The following CENPW variants were observed in gnomAD, a reference collection of about 807,000 sequenced individuals.
The protein encoded by CENPW is cancer-up-regulated gene 2 protein.
In CENPW, 3 loss-of-function variants were observed where a neutral mutation model predicts 11.1. The ratio of observed to expected loss-of-function variants is 0.27; its 90% CI spans 0.12 to 0.70. CENPW has a LOEUF of 0.70. CENPW is among the 30% of genes least tolerant of loss of function. CENPW has a pLI of 0.77. For missense variants in CENPW, 100 were observed against 105.6 expected, an observed-to-expected ratio of 0.95 and a Z score of 0.23; for synonymous variants, 38 against 42.0, an observed-to-expected ratio of 0.91 and a Z score of 0.37.
At chr6:126,378,797 C>T in the CENPW span, among the ~76,000 whole-genome samples, 2 of 151,996 alleles carry the variant, frequency 1.3e-5, no homozygotes, top group African/African-American at 4.8e-5. Context: ...CCAATAGCTG[C>T]ACTCTTTAGA....
the CENPW span, among the ~76,000 whole-genome samples, chr6:126,451,368 A>G: frequency 1.4e-3 from 209 of 151,008 alleles, 1 homozygote; most frequent in Middle Eastern, 6.8e-3. Flanking sequence ...CAGGTTTATC[A>G]TTTTTCTCCC....
downstream of CENPW, among the ~76,000 whole-genome samples, chr6:126,351,136 AAGAG>A (rs549432634): frequency 1.7e-3 from 223 of 130,272 alleles, no homozygotes; most frequent in Middle Eastern, 9.1e-3. Context: ...GTGGAGGAGA[AAGAG>A]AGAGAGTGAG....
chr6:126,453,945 C>A, the CENPW span, among the ~76,000 whole-genome samples: 1 of 150,902 alleles, frequency 6.6e-6, no homozygotes, highest in Admixed American at 6.6e-5. Flanking sequence ...TGGCAAAGAT[C>A]AAAACAAAAC....
At chr6:126,368,831 G>A in the CENPW span, among the ~76,000 whole-genome samples, 1 of 151,974 alleles carries the variant, frequency 6.6e-6, no homozygotes, top group East Asian at 1.9e-4. Context: ...TTTTTTGGTA[G>A]AGACGGGATT....
chr6:126,467,000 A>C, the CENPW span, among the ~76,000 whole-genome samples: 1 of 152,192 alleles, frequency 6.6e-6, no homozygotes, highest in Non-Finnish European at 1.5e-5. Flanking sequence ...ATCAGAGATG[A>C]CACAAGTGAA....
At chr6:126,407,514 C>G in the CENPW span, among the ~76,000 whole-genome samples, 1 of 152,172 alleles carries the variant, frequency 6.6e-6, no homozygotes, top group African/African-American at 2.4e-5. Context: ...ACCACACTGT[C>G]TTCCAAAATG....
the CENPW span, among the ~76,000 whole-genome samples, chr6:126,410,767 T>C: frequency 6.6e-6 from 1 of 152,006 alleles, no homozygotes; most frequent in African/African-American, 2.4e-5. Flanking sequence ...TTAAGTTTGC[T>C]GTTGGGGCTT....
the CENPW span, among the ~76,000 whole-genome samples, chr6:126,467,080 A>G: frequency 2.0e-5 from 3 of 152,234 alleles, no homozygotes; most frequent in South Asian, 2.1e-4. Flanking sequence ...AAAGCAATGT[A>G]TAGATTCAGT....
At chr6:126,472,477 G>A in the CENPW span, among the ~76,000 whole-genome samples, 6 of 152,146 alleles carry the variant, frequency 3.9e-5, no homozygotes, top group African/African-American at 2.4e-5. Context: ...CCATGCTGGT[G>A]CATGTATCAA....
the CENPW span, among the ~76,000 whole-genome samples, chr6:126,451,633 A>G: frequency 6.6e-6 from 1 of 151,116 alleles, no homozygotes; most frequent in East Asian, 1.9e-4. Context: ...TTTGGGAGAG[A>G]GGAAACCTTC....
chr6:126,389,278 G>A, the CENPW span, among the ~76,000 whole-genome samples: 2 of 151,900 alleles, frequency 1.3e-5, no homozygotes, highest in Non-Finnish European at 2.9e-5. Context: ...GCTATCTACA[G>A]TTGCAGATGA....
the CENPW span, among the ~76,000 whole-genome samples, chr6:126,478,367 G>C: frequency 6.6e-6 from 1 of 151,428 alleles, no homozygotes; most frequent in African/African-American, 2.4e-5. Flanking sequence ...AGGTCTGCCA[G>C]CAGTCATCTG....
the CENPW span, among the ~76,000 whole-genome samples, chr6:126,457,538 C>A: frequency 1.3e-5 from 2 of 151,284 alleles, no homozygotes; most frequent in African/African-American, 4.8e-5. Flanking sequence ...AACAAGGGAA[C>A]AACAGACACT....
chr6:126,414,034 A>T, the CENPW span, among the ~76,000 whole-genome samples: 4 of 152,114 alleles, frequency 2.6e-5, no homozygotes, highest in East Asian at 7.7e-4. Flanking sequence ...CTTATATTGG[A>T]TAAAACAAGC....
the CENPW span, among the ~76,000 whole-genome samples, chr6:126,381,320 C>T: frequency 6.6e-6 from 1 of 152,152 alleles, no homozygotes; most frequent in Non-Finnish European, 1.5e-5. Context: ...TATTACTAGG[C>T]AAGAGAACCT....
the CENPW span, among the ~76,000 whole-genome samples, chr6:126,434,128 C>T: frequency 6.6e-6 from 1 of 152,070 alleles, no homozygotes; most frequent in Non-Finnish European, 1.5e-5. Flanking sequence ...ACTACATGTT[C>T]CCATATGTGT....
At chr6:126,401,571 T>G in the CENPW span, among the ~76,000 whole-genome samples, 3 of 151,748 alleles carry the variant, frequency 2.0e-5, no homozygotes, top group Admixed American at 2.0e-4. Context: ...GCAGAGGAAT[T>G]TTTTTTTCAC....
At chr6:126,418,453 G>A in the CENPW span, among the ~76,000 whole-genome samples, 28 of 152,166 alleles carry the variant, frequency 1.8e-4, no homozygotes, top group Admixed American at 9.2e-4. Flanking sequence ...GCAAAACTAC[G>A]AAGACAATAA....
chr6:126,404,937 C>A, the CENPW span, among the ~76,000 whole-genome samples: 2 of 145,922 alleles, frequency 1.4e-5, no homozygotes, highest in Admixed American at 1.4e-4. Flanking sequence ...GCCAATATTT[C>A]CTCTTATTCT....
Sources: gnomAD v4.1 joint callset for allele counts (sites outside exome capture counted in the v4.1 genomes callset) on GRCh38, gnomAD v4.1.1 for gene constraint, MANE v1.5 for transcripts, NCBI Gene and HGNC (gene_info 2026-07-23, HGNC 2026-07-21) for gene names.